Variants in DEF8 observed in about 807,000 individuals in gnomAD.
DEF8 encodes differentially expressed in FDCP 8 homolog, also known as DEF-8.
A neutral mutation model predicts 59.1 loss-of-function variants in DEF8; 38 were observed. The observed-to-expected ratio is 0.64, with a 90% CI of 0.50 to 0.84. DEF8 has a LOEUF of 0.84. DEF8 is among the 40% of genes least tolerant of loss of function. DEF8 has a pLI of 0.00. For missense variants in DEF8, 557 were observed against 615.2 expected (o/e 0.91, Z 1.00); for synonymous variants, 265 against 250.1 (o/e 1.06, Z -0.56).
intron 6 of DEF8, among the ~76,000 whole-genome samples, chr16:89,960,287 G>A (rs2033853187): frequency 6.6e-6 from 1 of 152,176 alleles, no homozygotes; most frequent in African/African-American, 2.4e-5. Context: ...GGGGTAGGTG[G>A]TGGGAGTGAG....
chr16:89,950,210 C>G (rs1597449138), intron 2 of DEF8: 1 of 986,162 alleles, frequency 1.0e-6, no homozygotes, highest in Non-Finnish European at 1.2e-6. Flanking sequence ...GCTCCTGCAC[C>G]TTTTTCCTGG....
chr16:89,951,012 A>G (rs999838113), intron 2 of DEF8, among the ~76,000 whole-genome samples: 2 of 152,202 alleles, frequency 1.3e-5, no homozygotes, highest in Non-Finnish European at 2.9e-5. Flanking sequence ...ATTATAATCA[A>G]TATTTATTGG....
At chr16:89,955,684 G>T (rs2033045563) in intron 4 of DEF8, among the ~76,000 whole-genome samples, 1 of 152,178 alleles carries the variant, frequency 6.6e-6, no homozygotes, top group African/African-American at 2.4e-5. Context: ...GTACTGACCA[G>T]TCGGTATTAC....
rs1278040100 is a variant in DEF8, at chr16:89,964,345, C to A, written c.1143+35C>A. 5 of 1,559,254 alleles carry A rather than the reference C, an allele frequency of 3.2e-6. 1 individual carries two copies. The East Asian group carries it at 1.2e-4, about 37-fold the overall frequency. The stretch of plus-strand genomic sequence containing the variant: ...TGCCCGAGGGCCGCTCTTCTCCAAC[C>A]CCAGCCCTGAGGGGGGATTGGCAGG... On this transcript the variant is annotated intron_variant, in intron 11 of 12. Transcript: ENST00000563594.
At chr16:89,956,314 G>A (rs1478459675) in intron 4 of DEF8, among the ~76,000 whole-genome samples, 1 of 151,746 alleles carries the variant, frequency 6.6e-6, no homozygotes, top group Admixed American at 6.6e-5. Flanking sequence ...AAAAAATTTA[G>A]CCGGGCATAG....
At chr16:89,958,560 C>A in intron 5 of DEF8, 1 of 171,644 alleles carries the variant, frequency 5.8e-6, no homozygotes, top group Non-Finnish European at 1.3e-5. Context: ...AAAAAAAAAC[C>A]CCAAAACATA....
intron 2 of DEF8, among the ~76,000 whole-genome samples, chr16:89,951,623 C>A (rs1382564910): frequency 2.0e-5 from 3 of 152,182 alleles, no homozygotes; most frequent in East Asian, 1.9e-4. Flanking sequence ...ATTTCTCTCA[C>A]TTGAATGAAG....
At chr16:89,963,262 C>T in intron 9 of DEF8, 101 bp from the exon 10 acceptor site, 1 of 960,140 alleles carries the variant, frequency 1.0e-6, no homozygotes, top group South Asian at 1.6e-5. Flanking sequence ...CGTGGGGAAC[C>T]AACCCCTCCT....
In DEF8 at chr16:89,958,997, T is replaced by G; in HGVS notation, c.373-17T>G. ...CCCAGCTCACCTGTGACCCCCTCCC[T>G]GACTCACCCTCTGCAGGACCCCAAT... On this transcript the variant is annotated splice_polypyrimidine_tract_variant and intron_variant, in intron 5 of 12. Coordinates refer to ENST00000563594, the MANE Select transcript of DEF8 (RefSeq NM_001242818.2). 1 of 1,608,478 alleles carries G rather than the reference T, an allele frequency of 6.2e-7. No individual in the cohort carries two copies. The highest frequency in any genetic ancestry group is 8.5e-7 in the Non-Finnish European group (1 of 1,179,694).
chr16:89,961,297 C>G (rs114654678), intron 7 of DEF8, among the ~76,000 whole-genome samples: 1 of 152,312 alleles, frequency 6.6e-6, no homozygotes, highest in African/African-American at 2.4e-5. Context: ...CCAGCCGTTC[C>G]GTGACTCACC....
chr16:89,949,639 G>A (rs766797171), intron 2 of DEF8, 126 bp downstream of exon 2: 3 of 1,609,476 alleles, frequency 1.9e-6, no homozygotes, highest in Non-Finnish European at 2.5e-6. Context: ...GGGAGGCCAG[G>A]TCCGTGCATC....
At chr16:89,950,366 G>A (rs1310545416) in intron 2 of DEF8, 2 of 976,798 alleles carry the variant, frequency 2.0e-6, no homozygotes, top group African/African-American at 1.8e-5. Flanking sequence ...AGACAATGGA[G>A]AACCAGAGTC....
Position 89,953,254 on chromosome 16 carries a change from C to A in DEF8, c.-10-989C>A, listed in dbSNP as rs945952199. ...TCAGTCTCTGTTAACTCATTTCACCCTCACAATGGCCCATTACGGATGGGG... is the reference window on the plus strand; with the variant it reads ...TCAGTCTCTGTTAACTCATTTCACCATCACAATGGCCCATTACGGATGGGG... On this transcript the variant is annotated intron_variant, in intron 2 of 12. Coordinates refer to ENST00000563594, the MANE Select transcript of DEF8 (RefSeq NM_001242818.2). Among the ~76,000 whole-genome samples, 3 of 152,310 alleles carry A rather than the reference C, an allele frequency of 2.0e-5. No homozygotes were observed. The East Asian group carries it at 5.8e-4, about 29-fold the overall frequency.
chr16:89,957,729 C>A (rs1466104827), intron 5 of DEF8, 69 bp downstream of exon 5: 2 of 1,450,562 alleles, frequency 1.4e-6, no homozygotes, highest in Non-Finnish European at 1.8e-6. Flanking sequence ...CTAGGAGGAC[C>A]CTGCCAGCCT....
rs1416262095 is a variant in DEF8 at position 89,959,087 on chromosome 16, T to C, written c.446T>C (p.Val149Ala). 9 of 1,613,670 alleles carry C rather than the reference T, an allele frequency of 5.6e-6. No individual in the cohort carries two copies. The highest frequency in any genetic ancestry group is 6.8e-6 in the Non-Finnish European group (8 of 1,180,014). Residue 149 changes from valine (V) to alanine (A), a missense_variant, in exon 6 of 13, where the codon GTC becomes GCC. By Grantham distance (64) the Val-to-Ala change is moderately conservative. Transcript: ENST00000563594. The part of the protein sequence containing the change: ...HRFYKEKSKS[V>A]KQTCDKCNTI... ...TTTTACAAGGAGAAGAGCAAGAGCGTCAAGCAGACCTGTGACAAGTGTAAC... is the reference window on the plus strand; with the variant it reads ...TTTTACAAGGAGAAGAGCAAGAGCGCCAAGCAGACCTGTGACAAGTGTAAC...
chr16:89,957,820 C>T (rs76734820), intron 5 of DEF8, among the ~76,000 whole-genome samples, 160 bp downstream of exon 5: 7,468 of 152,318 alleles, frequency 0.049, 343 homozygotes, highest in East Asian at 0.25. Context: ...GGGTGGAAGA[C>T]GGGCCCTCAC....
intron 6 of DEF8, among the ~76,000 whole-genome samples, chr16:89,960,011 G>A (rs1317392986): frequency 1.3e-5 from 2 of 151,970 alleles, no homozygotes; most frequent in Non-Finnish European, 2.9e-5. Flanking sequence ...AGAGAGCCAG[G>A]TGTGGCTGCA....
chr16:89,955,843 C>T (rs905941512), intron 4 of DEF8, among the ~76,000 whole-genome samples: 8 of 151,744 alleles, frequency 5.3e-5, no homozygotes, highest in East Asian at 3.9e-4. Flanking sequence ...GAGGCTGAGG[C>T]GGGCGGATCA....
Position 89,949,489 on chromosome 16 carries a change from C to G in DEF8, c.-35C>G. On this transcript the variant is annotated 5_prime_UTR_variant, in exon 2 of 13. Transcript: ENST00000563594. ...GAATGGCCATCCTGTCCCTGCGAGCCCCTGGGCCCTGGCAGGCGATGCAGG... is the reference window on the plus strand; with the variant it reads ...GAATGGCCATCCTGTCCCTGCGAGCGCCTGGGCCCTGGCAGGCGATGCAGG... 6.2e-7 allele frequency: 1 copy of G among 1,612,958 alleles called. No individual in the cohort carries two copies. The highest frequency in any genetic ancestry group is 1.1e-5 in the South Asian group (1 of 91,062).
Sources: gnomAD v4.1 joint callset for allele counts (sites outside exome capture counted in the v4.1 genomes callset) on GRCh38, gnomAD v4.1.1 for gene constraint, MANE v1.5 for transcripts, NCBI Gene and HGNC (gene_info 2026-07-23, HGNC 2026-07-21) for gene names.